Variants in DLC1 observed in about 807,000 individuals in gnomAD.
DLC1 encodes DLC1 Rho GTPase activating protein.
A neutral mutation model predicts 140.3 loss-of-function variants in DLC1; 54 were observed. The observed-to-expected ratio is 0.38, with a 90% confidence interval of 0.31 to 0.48. The LOEUF is 0.48. Among genes scored for constraint, DLC1 ranks in the 20% least tolerant of loss-of-function variants. DLC1 has a pLI of 0.96. For missense variants in DLC1, 2,536 were observed against 1,907.0 expected, an observed-to-expected ratio of 1.33 and a Z score of -6.14; for synonymous variants, 986 against 728.1, an observed-to-expected ratio of 1.35 and a Z score of -5.70.
chr8:13,552,111 G>GTATATATATATATA (rs3066465), intron 1 of DLC1, among the ~76,000 whole-genome samples: 3,605 of 53,824 alleles, frequency 0.067, 152 homozygotes, highest in East Asian at 0.12. Context: ...GTCTAGAGGT[G>GTATATATATATATA]TATATATATA....
At chr8:13,266,904 G>T (rs1006177932) in intron 5 of DLC1, among the ~76,000 whole-genome samples, 3 of 152,164 alleles carry the variant, frequency 2.0e-5, no homozygotes, top group Non-Finnish European at 2.9e-5. Flanking sequence ...TGGCTTCATC[G>T]CCAGTCTTCC....
intron 2 of DLC1, among the ~76,000 whole-genome samples, chr8:13,426,702 C>T (rs1316669954): frequency 3.9e-5 from 6 of 152,240 alleles, no homozygotes; most frequent in African/African-American, 1.4e-4. Context: ...CCTCGCAGAT[C>T]TGTGTTCTTT....
At chr8:13,339,725 T>C (rs773822469) in intron 4 of DLC1, 1 of 152,312 alleles carries the variant, frequency 6.6e-6, no homozygotes, top group Middle Eastern at 3.4e-3. Flanking sequence ...CTAGCTTTCA[T>C]AAAATACACA....
intron 5 of DLC1, among the ~76,000 whole-genome samples, chr8:13,121,337 C>A (rs1442044132): frequency 1.3e-5 from 2 of 152,140 alleles, no homozygotes; most frequent in African/African-American, 4.8e-5. Flanking sequence ...TACTGCTTAT[C>A]AATTCTGATG....
intron 5 of DLC1, chr8:13,133,176 G>C (rs1191593556): frequency 7.0e-7 from 1 of 1,435,450 alleles, no homozygotes; most frequent in Non-Finnish European, 9.1e-7. Context: ...CGAAACGAGG[G>C]AGCGCTCAGG....
intron 2 of DLC1, among the ~76,000 whole-genome samples, chr8:13,465,494 A>G (rs1315676027): frequency 1.3e-5 from 2 of 152,018 alleles, no homozygotes; most frequent in Non-Finnish European, 2.9e-5. Flanking sequence ...TGATTTCAAG[A>G]GTTTGATATT....
intron 5 of DLC1, among the ~76,000 whole-genome samples, chr8:13,200,641 G>A (rs1554469002): frequency 6.6e-6 from 1 of 152,070 alleles, no homozygotes; most frequent in Non-Finnish European, 1.5e-5. Flanking sequence ...GTCTCACTCT[G>A]TTGCCCAGGC....
At chr8:13,496,410 C>G (rs1323241287) in intron 2 of DLC1, among the ~76,000 whole-genome samples, 1 of 151,990 alleles carries the variant, frequency 6.6e-6, no homozygotes, top group East Asian at 1.9e-4. Context: ...ATTCTGTGAT[C>G]TTTTATAAAG....
intron 5 of DLC1, among the ~76,000 whole-genome samples, chr8:13,162,417 G>A (rs997033225): frequency 6.6e-6 from 1 of 152,142 alleles, no homozygotes; most frequent in Non-Finnish European, 1.5e-5. Context: ...CCGCCTCCCA[G>A]GTTCAAGAGA....
At chr8:13,480,990 C>G (rs1800705540) in intron 2 of DLC1, among the ~76,000 whole-genome samples, 1 of 151,870 alleles carries the variant, frequency 6.6e-6, no homozygotes. Flanking sequence ...GACCAAAGGC[C>G]AAGAGGCCAG....
intron 1 of DLC1, among the ~76,000 whole-genome samples, chr8:13,514,374 G>A (rs1802510782): frequency 6.6e-6 from 1 of 152,152 alleles, no homozygotes; most frequent in Non-Finnish European, 1.5e-5. Flanking sequence ...CTTACTTTAT[G>A]GAGGAAAAGA....
rs1014868589 is a variant in DLC1 at position 13,567,479 on chromosome 8, C to T, written c.-126+37058G>A. 1.0e-5 allele frequency: 16 copies of T among 1,551,930 alleles called. No homozygotes were observed. In the African/African-American group the frequency reaches 2.2e-4, roughly 21 times the overall value. On this transcript the variant is annotated intron_variant, in intron 1 of 1. Coordinates refer to the DLC1 transcript ENST00000631382. ...GATGTAGAGGCTTCAGAGAGAGATG[C>T]CTTTAGTTGTACTGTACCCGATGAA...
chr8:13,148,264 T>C (rs1823576201), intron 5 of DLC1, among the ~76,000 whole-genome samples: 1 of 152,290 alleles, frequency 6.6e-6, no homozygotes, highest in East Asian at 1.9e-4. Context: ...TAGTGATCTT[T>C]TCTGCTCCTC....
chr8:13,347,665 C>G lies in DLC1; in HGVS notation c.1315-42363G>C, dbSNP rs530307819. ...TTTTTTCTGGTCACTTCCAGGATGCCTGGGCCATAAACAAATTGGGAAAGA... is the reference window on the plus strand; with the variant it reads ...TTTTTTCTGGTCACTTCCAGGATGCGTGGGCCATAAACAAATTGGGAAAGA... On this transcript the variant is annotated intron_variant, in intron 4 of 17. Coordinates refer to ENST00000276297, the MANE Select transcript of DLC1 (RefSeq NM_182643.3). Among the ~76,000 whole-genome samples, 130 of 152,228 alleles carry G rather than the reference C, an allele frequency of 8.5e-4. 1 individual carries two copies. In the South Asian group the frequency reaches 0.022, roughly 26 times the overall value.
At chr8:13,117,291 C>T (rs969782939) in intron 5 of DLC1, among the ~76,000 whole-genome samples, 27 of 151,776 alleles carry the variant, frequency 1.8e-4, no homozygotes, top group African/African-American at 5.3e-4. Flanking sequence ...GGCAACATGG[C>T]GAAACCCTGT....
At chr8:13,377,410 G>A (rs1183348181) in intron 4 of DLC1, among the ~76,000 whole-genome samples, 1 of 152,178 alleles carries the variant, frequency 6.6e-6, no homozygotes, top group Non-Finnish European at 1.5e-5. Flanking sequence ...CCAGCCACAA[G>A]TGTCTGCTTT....
intron 1 of DLC1, among the ~76,000 whole-genome samples, chr8:13,555,823 A>G (rs1360647912): frequency 1.3e-5 from 2 of 151,872 alleles, no homozygotes; most frequent in African/African-American, 4.8e-5. Context: ...TTTTTTTTAA[A>G]TAAGAAAGGA....
At chr8:13,210,563 A>G (rs576467202) in intron 5 of DLC1, among the ~76,000 whole-genome samples, 2 of 152,340 alleles carry the variant, frequency 1.3e-5, no homozygotes, top group African/African-American at 4.8e-5. Context: ...TATCTTTCAA[A>G]AACCTTTTTA....
At chr8:13,477,264 C>T (rs975947299) in intron 2 of DLC1, among the ~76,000 whole-genome samples, 1 of 152,094 alleles carries the variant, frequency 6.6e-6, no homozygotes, top group African/African-American at 2.4e-5. Context: ...GTGAAGATAT[C>T]TTCAAGAAGA....
Sources: gnomAD v4.1 joint callset for allele counts (sites outside exome capture counted in the v4.1 genomes callset) on GRCh38, gnomAD v4.1.1 for gene constraint, MANE v1.5 for transcripts, NCBI Gene and HGNC (gene_info 2026-07-23, HGNC 2026-07-21) for gene names.